Variants in ZNF618 observed in about 807,000 individuals in gnomAD.
The protein encoded by ZNF618 is neural precursor cell expressed, developmentally down-regulated 10.
In ZNF618, 34 loss-of-function variants were observed where a neutral mutation model predicts 103.0. The observed-to-expected ratio is 0.33, with a 90% CI of 0.25 to 0.44. ZNF618 has a LOEUF of 0.44. Among genes scored for constraint, ZNF618 ranks in the 20% least tolerant of loss-of-function variants. ZNF618 has a pLI of 1.00. For synonymous variants in ZNF618, 551 were observed against 542.2 expected (o/e 1.02, Z -0.23); for missense variants, 1,059 against 1,295.4 (o/e 0.82, Z 2.80).
chr9:114,042,553 G>A (rs76674453), intron 13 of ZNF618, among the ~76,000 whole-genome samples: 36,340 of 152,060 alleles, frequency 0.24, 4,501 homozygotes, highest in African/African-American at 0.27. Context: ...TTTAGAGCAG[G>A]TGCAGTGGTT....
At chr9:114,008,264 GAGGCA>G (rs1841930120) in intron 7 of ZNF618, 75 bp from the exon 8 acceptor site, 1 of 1,583,890 alleles carries the variant, frequency 6.3e-7, no homozygotes, top group South Asian at 1.2e-5. Flanking sequence ...AGCAGTGGCA[GAGGCA>G]GCTCTGGGCA....
rs181575930 is a variant in ZNF618, at chr9:113,916,777, C to T, written c.33+40364C>T. ...CCAACATGGTCCCTTAACACATCTT[C>T]GTCTGGTGCTCAATCAGAAAAACAT... On this transcript the variant is annotated intron_variant, in intron 1 of 14. Transcript: ENST00000374126. Among the ~76,000 whole-genome samples, 527 of 152,336 alleles carry T rather than the reference C, an allele frequency of 3.5e-3. 4 individuals are homozygous for T. Among genetic ancestry groups the T allele is most frequent in the Middle Eastern group, 0.027 (8 of 294 alleles).
At chr9:113,895,920 C>A (rs994904514) in intron 1 of ZNF618, among the ~76,000 whole-genome samples, 14 of 152,018 alleles carry the variant, frequency 9.2e-5, no homozygotes, top group Non-Finnish European at 1.8e-4. Context: ...CCCGTTTTGA[C>A]CATTTATATT....
chr9:113,963,379 G>C (rs985606147), intron 1 of ZNF618, among the ~76,000 whole-genome samples: 2 of 152,112 alleles, frequency 1.3e-5, no homozygotes, highest in African/African-American at 4.8e-5. Flanking sequence ...TTGGTAGTTT[G>C]AATGTAATAT....
chr9:113,928,107 T>G (rs1402287848), intron 1 of ZNF618, among the ~76,000 whole-genome samples: 1 of 152,234 alleles, frequency 6.6e-6, no homozygotes, highest in African/African-American at 2.4e-5. Flanking sequence ...CATCTCTTTT[T>G]GAAAATCTCT....
At chr9:113,901,132 C>G (rs966758764) in intron 1 of ZNF618, among the ~76,000 whole-genome samples, 2 of 149,162 alleles carry the variant, frequency 1.3e-5, no homozygotes, top group African/African-American at 4.9e-5. Context: ...CTCCTAGCAC[C>G]GTCTTCTCCC....
intron 13 of ZNF618, among the ~76,000 whole-genome samples, chr9:114,040,094 A>G (rs527736740): frequency 6.7e-6 from 1 of 150,086 alleles, no homozygotes; most frequent in Non-Finnish European, 1.5e-5. Context: ...AACCAATATT[A>G]TACATTGTTA....
Position 114,049,024 on chromosome 9 carries a change from C to T in ZNF618, c.1722C>T (p.Asn574=). The change falls in exon 15 of 15, where the codon AAC becomes AAT. Residue 574 remains asparagine, a synonymous_variant. Coordinates refer to ENST00000374126, the MANE Select transcript of ZNF618 (RefSeq NM_001318042.2). ...YILTAYQAEG[N]HIKSYVLGVK... ...TCACAGCCTACCAGGCCGAGGGCAA[C>T]CACATCAAGAGCTATGTGCTTGGTG... 6.2e-7 allele frequency: 1 copy of T among 1,613,382 alleles called. No homozygotes were observed. Among genetic ancestry groups the T allele is most frequent in the South Asian group, 1.1e-5 (1 of 91,082 alleles).
intron 1 of ZNF618, among the ~76,000 whole-genome samples, chr9:113,880,838 G>A (rs1311183669): frequency 3.9e-5 from 6 of 152,188 alleles, no homozygotes; most frequent in African/African-American, 1.4e-4. Flanking sequence ...TAGCTGAACC[G>A]CCATGATGTG....
intron 1 of ZNF618, among the ~76,000 whole-genome samples, chr9:113,952,086 C>T (rs1243155184): frequency 2.0e-5 from 3 of 151,970 alleles, no homozygotes; most frequent in Admixed American, 6.6e-5. Context: ...ACTGTTTTTT[C>T]TTTTTTTAAG....
intron 1 of ZNF618, among the ~76,000 whole-genome samples, chr9:113,887,298 A>G (rs1029455443): frequency 6.6e-6 from 1 of 152,152 alleles, no homozygotes; most frequent in African/African-American, 2.4e-5. Flanking sequence ...GAGATTAGTA[A>G]TTCAGGGAAA....
intron 9 of ZNF618, among the ~76,000 whole-genome samples, chr9:114,014,180 A>C (rs1842476661): frequency 6.6e-6 from 1 of 152,272 alleles, no homozygotes; most frequent in Admixed American, 6.5e-5. Flanking sequence ...AAGGTGGAGC[A>C]TGAACAAGAC....
intron 1 of ZNF618, among the ~76,000 whole-genome samples, chr9:113,949,590 G>T (rs980041272): frequency 2.6e-5 from 4 of 152,150 alleles, no homozygotes; most frequent in East Asian, 1.9e-4. Context: ...GCTCAGAGCT[G>T]CCTCCTTCTG....
intron 1 of ZNF618, among the ~76,000 whole-genome samples, chr9:113,946,505 G>A (rs1835047807): frequency 6.6e-6 from 1 of 152,070 alleles, no homozygotes; most frequent in Non-Finnish European, 1.5e-5. Flanking sequence ...CACAGAGGCA[G>A]GCAGCCCTTC....
intron 11 of ZNF618, chr9:114,031,011 C>T (rs1199641046): frequency 1.3e-5 from 2 of 152,200 alleles, no homozygotes; most frequent in African/African-American, 2.4e-5. Context: ...AAGGAAGCAC[C>T]TCCCCCTAAA....
At chr9:113,922,349 A>C (rs1832720015) in intron 1 of ZNF618, among the ~76,000 whole-genome samples, 2 of 152,292 alleles carry the variant, frequency 1.3e-5, no homozygotes, top group South Asian at 4.1e-4. Context: ...GACGGGGCAG[A>C]GGGAAGATAA....
chr9:113,953,876 G>C (rs78052980), intron 1 of ZNF618, among the ~76,000 whole-genome samples: 1,704 of 152,204 alleles, frequency 0.011, 39 homozygotes, highest in African/African-American at 0.039. Context: ...GTAATAAAAA[G>C]ATGACTGAGT....
intron 1 of ZNF618, among the ~76,000 whole-genome samples, chr9:113,965,865 A>G (rs1837355638): frequency 6.6e-6 from 1 of 152,164 alleles, no homozygotes; most frequent in Non-Finnish European, 1.5e-5. Context: ...GGCTGCGCTT[A>G]GTACTTTAGT....
intron 3 of ZNF618, among the ~76,000 whole-genome samples, chr9:113,996,275 G>A (rs1187033233): frequency 6.6e-6 from 1 of 152,174 alleles, no homozygotes; most frequent in Non-Finnish European, 1.5e-5. Flanking sequence ...CTGAACAGTG[G>A]CTCCTGAGAC....
Sources: gnomAD v4.1 joint callset for allele counts (sites outside exome capture counted in the v4.1 genomes callset) on GRCh38, gnomAD v4.1.1 for gene constraint, MANE v1.5 for transcripts, NCBI Gene and HGNC (gene_info 2026-07-23, HGNC 2026-07-21) for gene names.